The following LTBP1 variants were observed in gnomAD, a reference collection of about 807,000 sequenced individuals.
The protein encoded by LTBP1 is latent-transforming growth factor beta-binding protein 1.
Under a neutral mutation model 207.6 loss-of-function variants are expected in LTBP1, and 129 were observed. The ratio of observed to expected loss-of-function variants is 0.62; its 90% CI spans 0.54 to 0.72. The LOEUF is 0.72. Ranked by LOEUF, LTBP1 falls within the 30% of genes least tolerant of loss-of-function variation. The pLI is 0.00. For missense variants in LTBP1, 2,281 were observed against 2,217.2 expected (o/e 1.03, Z -0.58); for synonymous variants, 963 against 833.7 (o/e 1.16, Z -2.67).
At chr2:33,173,284 A>G (rs1031316135) in intron 5 of LTBP1, among the ~76,000 whole-genome samples, 39 of 151,784 alleles carry the variant, frequency 2.6e-4, no homozygotes, top group Non-Finnish European at 4.1e-4. Flanking sequence ...GAAAAGAGAG[A>G]AGAATCAAAT....
chr2:33,128,042 A>G (rs986565753), intron 4 of LTBP1, among the ~76,000 whole-genome samples: 1 of 152,122 alleles, frequency 6.6e-6, no homozygotes, highest in African/African-American at 2.4e-5. Context: ...CCTAATTTTC[A>G]AAGTGTGTGG....
rs117204095 is a variant in LTBP1 at position 33,359,805 on chromosome 2, A to G, written c.4001-792A>G. Among the ~76,000 whole-genome samples, 102 of 152,328 alleles carry G rather than the reference A, an allele frequency of 6.7e-4. No individual in the cohort carries two copies. In the East Asian group the frequency reaches 0.015, roughly 22 times the overall value. ...TTTTTTAAAAGCACAGACTTGTTCA[A>G]AGATTTCGTATCTGATTGAATTCAA... is the stretch of plus-strand genomic sequence containing the variant. On this transcript the variant is annotated intron_variant, in intron 26 of 33. Coordinates refer to ENST00000404816, the MANE Select transcript of LTBP1 (RefSeq NM_206943.4).
intron 24 of LTBP1, among the ~76,000 whole-genome samples, chr2:33,326,956 T>TC (rs1402998714): frequency 1.3e-4 from 20 of 152,326 alleles, no homozygotes; most frequent in Middle Eastern, 3.4e-3. Context: ...GCTGATATAA[T>TC]TTAAATACTT....
chr2:33,189,310 C>T (rs2087576249), intron 7 of LTBP1, among the ~76,000 whole-genome samples: 1 of 152,206 alleles, frequency 6.6e-6, no homozygotes, highest in Non-Finnish European at 1.5e-5. Context: ...ATTCTCCTGC[C>T]TTAGCCTCCT....
At chr2:33,208,488 T>A (rs72858016) in intron 7 of LTBP1, among the ~76,000 whole-genome samples, 59 of 152,084 alleles carry the variant, frequency 3.9e-4, no homozygotes, top group African/African-American at 1.4e-3. Flanking sequence ...TGACGTAGGG[T>A]GAGGAAAAGG....
chr2:33,072,975 C>G (rs2077876114), intron 3 of LTBP1, among the ~76,000 whole-genome samples: 2 of 152,158 alleles, frequency 1.3e-5, no homozygotes, highest in Admixed American at 1.3e-4. Context: ...TGATTAGCAC[C>G]AATGACACCC....
At chr2:33,354,367 T>G (rs1264573234) in intron 26 of LTBP1, among the ~76,000 whole-genome samples, 1 of 152,146 alleles carries the variant, frequency 6.6e-6, no homozygotes, top group Non-Finnish European at 1.5e-5. Flanking sequence ...CCACAGTATT[T>G]ATAATGCAAA....
At chr2:33,119,398 CA>C (rs939513933) in intron 4 of LTBP1, among the ~76,000 whole-genome samples, 32 of 152,218 alleles carry the variant, frequency 2.1e-4, no homozygotes, top group Admixed American at 2.1e-3. Context: ...TAGGCCCACG[CA>C]AAATACTGCT....
chr2:32,979,690 G>A lies in LTBP1; in HGVS notation c.565+30745G>A, dbSNP rs540632304. Among the ~76,000 whole-genome samples the A allele has an allele frequency of 1.9e-4, 29 of 152,248 alleles. No individual in the cohort carries two copies. In the East Asian group the frequency reaches 5.4e-3, roughly 28 times the overall value. ...GAAATGTTCTGTAAATATCCGTTAG[G>A]TCCATTTGGTCTATTGTGTAGATTA... On this transcript the variant is annotated intron_variant, in intron 2 of 33. Transcript: ENST00000404816.
intron 5 of LTBP1, among the ~76,000 whole-genome samples, chr2:33,140,643 T>A (rs1558692254): frequency 6.7e-6 from 1 of 150,220 alleles, no homozygotes; most frequent in Non-Finnish European, 1.5e-5. Context: ...ATTTTCCTTT[T>A]ATTTATTTAT....
intron 5 of LTBP1, among the ~76,000 whole-genome samples, chr2:33,174,837 C>G (rs1195635528): frequency 2.0e-5 from 3 of 151,960 alleles, no homozygotes; most frequent in Admixed American, 6.6e-5. Context: ...GAACAGAGCC[C>G]TCAGAAATAA....
intron 5 of LTBP1, among the ~76,000 whole-genome samples, chr2:33,144,922 T>G (rs1158087455): frequency 6.6e-6 from 1 of 152,156 alleles, no homozygotes; most frequent in Non-Finnish European, 1.5e-5. Flanking sequence ...GTGAAAATGT[T>G]TTTGAGGTCA....
intron 3 of LTBP1, among the ~76,000 whole-genome samples, chr2:33,053,913 G>C (rs968624963): frequency 6.6e-6 from 1 of 152,212 alleles, no homozygotes; most frequent in African/African-American, 2.4e-5. Flanking sequence ...GCCTGGACTT[G>C]AGAAGTGGCC....
intron 19 of LTBP1, among the ~76,000 whole-genome samples, chr2:33,281,643 A>AC (rs2093561291): frequency 6.6e-6 from 1 of 152,202 alleles, no homozygotes; most frequent in African/African-American, 2.4e-5. Flanking sequence ...TGTAGCTGGT[A>AC]CGGAGAGCTC....
chr2:33,147,115 G>A (rs1219693815), intron 5 of LTBP1, among the ~76,000 whole-genome samples: 2 of 152,160 alleles, frequency 1.3e-5, no homozygotes, highest in Non-Finnish European at 2.9e-5. Flanking sequence ...GAGATTCTCA[G>A]TACTGGTAAT....
At position 33,293,400 on chromosome 2, in the gene LTBP1, A is replaced by T. The variant is rs752259767; in HGVS notation, c.3235+118A>T. Reference sequence around the variant, plus strand: ...TGTGTTTATTTTGACCGAGCGACTTAGAGCACATATTGGTTGGCTTGGCTG... The same window carrying T: ...TGTGTTTATTTTGACCGAGCGACTTTGAGCACATATTGGTTGGCTTGGCTG... On this transcript the variant is annotated intron_variant, in intron 20 of 33. Coordinates refer to ENST00000404816, the MANE Select transcript of LTBP1 (RefSeq NM_206943.4). 244 of 996,252 alleles carry T rather than the reference A, an allele frequency of 2.4e-4. 1 individual carries two copies. Among genetic ancestry groups the T allele is most frequent in the Non-Finnish European group, 3.3e-4 (234 of 709,632 alleles). 61.7% of individuals were successfully genotyped at this position (996,252 alleles called of 1,614,324 possible). A position where few individuals can be genotyped will look rare whatever the true frequency, so the allele number is the denominator to read the frequency against.
chr2:33,194,944 A>G (rs1192832834), intron 7 of LTBP1, among the ~76,000 whole-genome samples: 1 of 152,230 alleles, frequency 6.6e-6, no homozygotes, highest in African/African-American at 2.4e-5. Context: ...ACTATGTTAA[A>G]TGTACTCTGC....
intron 5 of LTBP1, among the ~76,000 whole-genome samples, chr2:33,135,554 C>T (rs1033453251): frequency 2.7e-5 from 4 of 148,630 alleles, no homozygotes. Flanking sequence ...TGGTAGATTA[C>T]TCTCAGTACT....
chr2:33,101,598 T>C (rs955846182), intron 3 of LTBP1, among the ~76,000 whole-genome samples: 1 of 152,256 alleles, frequency 6.6e-6, no homozygotes, highest in African/African-American at 2.4e-5. Flanking sequence ...TAGAATTCAG[T>C]TAAAAAGTCT....
Sources: gnomAD v4.1 joint callset for allele counts (sites outside exome capture counted in the v4.1 genomes callset) on GRCh38, gnomAD v4.1.1 for gene constraint, MANE v1.5 for transcripts, NCBI Gene and HGNC (gene_info 2026-07-23, HGNC 2026-07-21) for gene names.